PKLR: variants seen among roughly 807,000 people sequenced by gnomAD.
PKLR encodes pyruvate kinase PKLR.
PKLR carries 38 observed loss-of-function variants against 53.6 expected under a neutral mutation model. The ratio of observed to expected loss-of-function variants is 0.71; its 90% CI spans 0.55 to 0.93. The LOEUF (loss-of-function observed/expected upper bound fraction) is 0.93. PKLR is among the 40% of genes least tolerant of loss of function. The probability of loss-of-function intolerance (pLI) is 0.00; values close to 1 mark genes in which losing one functional copy is unlikely to be tolerated. For synonymous variants in PKLR, 328 were observed against 316.2 expected (o/e 1.04, Z -0.39); for missense variants, 702 against 787.3 (o/e 0.89, Z 1.30).
At chr1:155,301,819 CT>C (rs1648013338), upstream of PKLR, among the ~76,000 whole-genome samples, 2 of 152,018 alleles carry the variant, frequency 1.3e-5, no homozygotes, top group Admixed American at 1.3e-4. Flanking sequence ...CTTTTTTTCT[CT>C]GTCTCAACCA....
chr1:155,295,868 G>C lies in PKLR; in HGVS notation c.284-112C>G. The C allele has an allele frequency of 1.2e-6, 1 of 866,346 alleles. No homozygotes were observed. The highest frequency in any genetic ancestry group is 2.6e-5 in the East Asian group (1 of 39,078). 53.7% of individuals were successfully genotyped at this position (866,346 alleles called of 1,614,324 possible). A position where few individuals can be genotyped will look rare whatever the true frequency, so the allele number is the denominator to read the frequency against. On this transcript the variant is annotated intron_variant, in intron 2 of 10. Coordinates refer to ENST00000342741, the MANE Select transcript of PKLR (RefSeq NM_000298.6). This position sits in a 1 kb window ranked among gnomAD's most constrained non-coding sequence, Gnocchi z 4.3. ...TCACGCCACAGGCGTCCTGTTACCT[G>C]ATCTTTATTCCCTGATGCAACCCCT...
the PKLR span, chr1:155,308,621 G>C: frequency 4.1e-6 from 4 of 985,334 alleles, no homozygotes; most frequent in Non-Finnish European, 4.8e-6. Flanking sequence ...CCACAGCGGG[G>C]ACGTTCCCAG....
chr1:155,299,414 C>T (rs750140026), intron 2 of PKLR, among the ~76,000 whole-genome samples: 24 of 150,846 alleles, frequency 1.6e-4, no homozygotes, highest in Non-Finnish European at 3.2e-4. Context: ...GTCTCAAACT[C>T]CTGGGCTCAA....
At position 155,297,385 on chromosome 1, in the gene PKLR, G is replaced by A. The variant is rs112966658; in HGVS notation, c.284-1629C>T. ...CTAATGCATCGTTCCAGTTCCTTAT[G>A]GCAAAAACCTCAGAGTCACCTGTCA... On this transcript the variant is annotated intron_variant, in intron 2 of 10. Coordinates refer to ENST00000342741, the MANE Select transcript of PKLR (RefSeq NM_000298.6). Among the ~76,000 whole-genome samples, 682 of 151,740 alleles carry A rather than the reference G, an allele frequency of 4.5e-3. 4 individuals carry two copies. Among genetic ancestry groups the A allele is most frequent in the South Asian group, 0.013 (64 of 4,812 alleles).
At position 155,299,491 on chromosome 1, in the gene PKLR, C is replaced by CTTTTTTTTTTTTTTTTT. The variant is rs35869567; in HGVS notation, c.283+590_283+606dup. ...GGCATGAGCCACTGAGCCCAGCCCA[C>CTTTTTTTTTTTTTTTTT]TTTTTTTTTTTTTTTTTTTTTTTTT... On this transcript the variant is annotated intron_variant, in intron 2 of 10. Coordinates refer to ENST00000342741, the MANE Select transcript of PKLR (RefSeq NM_000298.6). Among the ~76,000 whole-genome samples the CTTTTTTTTTTTTTTTTT allele has an allele frequency of 2.1e-4, 9 of 42,762 alleles. 1 individual carries two copies. Among genetic ancestry groups the CTTTTTTTTTTTTTTTTT allele is most frequent in the African/African-American group, 8.1e-4 (8 of 9,878 alleles). 28.1% of individuals were successfully genotyped at this position (42,762 alleles called of 152,430 possible).
chr1:155,302,783 C>A (rs937740516), upstream of PKLR, among the ~76,000 whole-genome samples: 1 of 152,034 alleles, frequency 6.6e-6, no homozygotes, highest in African/African-American at 2.4e-5. Context: ...AACGATCCTC[C>A]CACCTCAGCC....
chr1:155,290,201 C>T lies in PKLR; in HGVS notation c.*371G>A. On this transcript the variant is annotated 3_prime_UTR_variant, in exon 11 of 11. Coordinates refer to ENST00000342741, the MANE Select transcript of PKLR (RefSeq NM_000298.6). Reference sequence around the variant, plus strand: ...GACAAGATTGCCCTGTCTCCCCTCTCCCCCACCCCAAGGGATGGGATGCCT... The same window carrying T: ...GACAAGATTGCCCTGTCTCCCCTCTTCCCCACCCCAAGGGATGGGATGCCT... 3.3e-6 allele frequency: 1 copy of T among 300,032 alleles called. No homozygotes were observed. The highest frequency in any genetic ancestry group is 6.5e-6 in the Non-Finnish European group (1 of 154,708). 18.6% of individuals were successfully genotyped at this position (300,032 alleles called of 1,614,324 possible). A position where few individuals can be genotyped will look rare whatever the true frequency, so the allele number is the denominator to read the frequency against.
At chr1:155,305,275 C>T (rs1194957040), upstream of PKLR, among the ~76,000 whole-genome samples, 2 of 152,192 alleles carry the variant, frequency 1.3e-5, no homozygotes, top group East Asian at 3.8e-4. Flanking sequence ...CTACCGAATA[C>T]ACTTGTCTGA....
intron 2 of PKLR, among the ~76,000 whole-genome samples, chr1:155,298,333 CT>C (rs899329311): frequency 7.6e-4 from 102 of 135,092 alleles, no homozygotes; most frequent in East Asian, 8.8e-4. Context: ...CACGCCTGGC[CT>C]TTTTTTTTTT....
Position 155,301,315 on chromosome 1 carries a change from G to T in PKLR, c.81C>A (p.Ile27=). Residue 27 remains isoleucine, a synonymous_variant, in exon 1 of 11, where the codon ATC becomes ATA. Coordinates refer to ENST00000342741, the MANE Select transcript of PKLR (RefSeq NM_000298.6). The stretch of plus-strand genomic sequence containing the variant: ...TCTTACCTCCTGGAGCCCCAATCAG[G>T]ATGGACTTTGCTAAGTCTCTTTGGG... ...SKSQRDLAKS[I]LIGAPGGPAG... is the part of the protein sequence containing the mutation. 3 of 1,614,022 alleles carry T rather than the reference G, an allele frequency of 1.9e-6. No homozygotes were observed. Among genetic ancestry groups the T allele is most frequent in the Non-Finnish European group, 2.5e-6 (3 of 1,179,944 alleles).
chr1:155,290,515 C>T lies in PKLR; in HGVS notation c.*57G>A, dbSNP rs569710209. 2.1e-5 allele frequency: 22 copies of T among 1,037,374 alleles called. No individual in the cohort carries two copies. The highest frequency in any genetic ancestry group is 3.3e-5 in the Non-Finnish European group (22 of 661,580). The allele number at this position is 1,037,374 out of a possible 1,614,324, so 64.3% of individuals were successfully genotyped here. A position where few individuals can be genotyped will look rare whatever the true frequency, so the allele number is the denominator to read the frequency against. ...AGGGGTGTGGGCTGGAGAACGTAGA[C>T]TGGGGAGGAAGGGATGGGGTACAAG... On this transcript the variant is annotated 3_prime_UTR_variant, in exon 11 of 11. Coordinates refer to ENST00000342741, the MANE Select transcript of PKLR (RefSeq NM_000298.6).
chr1:155,298,108 C>A (rs776892355), intron 2 of PKLR, among the ~76,000 whole-genome samples: 5 of 151,976 alleles, frequency 3.3e-5, no homozygotes, highest in Admixed American at 6.6e-5. Context: ...GACAGAGGTG[C>A]GATCTCTGCT....
rs1458938826 is a variant in PKLR, at chr1:155,299,022, CTTTCTTTCTTTCT to C, written c.283+1063_283+1075del. On this transcript the variant is annotated intron_variant, in intron 2 of 10. Transcript: ENST00000342741. ...TCTTTCTTTCTTTCTTTCTTTCTTTCTTTCTTTCTTTCTCTTTCTTTCTTTCTTTCCTTCCTTC... is the reference window on the plus strand; with the variant it reads ...TCTTTCTTTCTTTCTTTCTTTCTTTCCTTTCTTTCTTTCTTTCCTTCCTTC... 3.4e-3 allele frequency among the ~76,000 whole-genome samples: 328 copies of C among 97,058 alleles called. 7 individuals carry two copies. Among genetic ancestry groups the C allele is most frequent in the Non-Finnish European group, 5.6e-3 (279 of 50,126 alleles). The allele number at this position is 97,058 out of a possible 152,430, so 63.7% of individuals were successfully genotyped here. A position where few individuals can be genotyped will look rare whatever the true frequency, so the allele number is the denominator to read the frequency against.
Position 155,294,379 on chromosome 1 carries a change from A to C in PKLR, c.972T>G (p.Asp324Glu), listed in dbSNP as rs8177974. ...TGCCGTCGCTCACCTCCAGGATTTC[A>C]TCAAACCTGAGAGGTTGGGAGAATC... ...IENHEGVKRFDEILEVSDGIM... is the reference protein window; with the variant it reads ...IENHEGVKRFEEILEVSDGIM... The change falls in exon 7 of 11, where the codon GAT becomes GAG. Residue 324 changes from aspartate to glutamate, a missense_variant. Transcript: ENST00000342741. The C allele has an allele frequency of 1.9e-6, 3 of 1,614,054 alleles. No individual in the cohort carries two copies. The African/African-American group carries it at 4.0e-5, about 22-fold the overall frequency.
At chr1:155,306,723 T>C in the PKLR span, among the ~76,000 whole-genome samples, 3 of 152,134 alleles carry the variant, frequency 2.0e-5, no homozygotes, top group African/African-American at 7.2e-5. The surrounding 1 kb of genome is among the most constrained non-coding windows in gnomAD (Gnocchi z 4.2). Flanking sequence ...GTATCCGGAA[T>C]TGGTGGGTTC....
chr1:155,295,271 C>A lies in PKLR; in HGVS notation c.539G>T (p.Gly180Val), dbSNP rs1362487132. Residue 180 changes from glycine (G) to valine (V), a missense_variant, in exon 5 of 11, where the codon GGC becomes GTC. By Grantham distance (109) the Gly-to-Val change is moderately radical (BLOSUM62 -3). Transcript: ENST00000342741. The surrounding 1 kb of genome is among the most constrained non-coding windows in gnomAD (Gnocchi z 4.3). ...GTCCACAGTCACCAGCACCTGGGAG[C>A]CCTTCACCAGCTCCACTTCCGACTC... is the stretch of plus-strand genomic sequence containing the variant. ...GPESEVELVK[G>V]SQVLVTVDPA... The A allele has an allele frequency of 6.2e-7, 1 of 1,614,110 alleles. No homozygotes were observed.
Position 155,295,301 on chromosome 1 carries a change from C to A in PKLR, c.509G>T (p.Gly170Val). ...CACCAGCTCCACTTCCGACTCTGGA[C>A]CCTAAGGAGGGAGCCAGAGGAGATG... ...PEIRTGILQG[G>V]PESEVELVKG... Residue 170 changes from glycine (G) to valine (V), a missense_variant and splice_region_variant, in exon 5 of 11, where the codon GGT (glycine) becomes GTT (valine). Gly to Val is a moderately radical substitution (Grantham distance 109). This residue lies in a region of PKLR where 519 missense variants were observed against 537.1 expected (regional missense o/e 0.97). Transcript: ENST00000342741. The surrounding 1 kb of genome is among the most constrained non-coding windows in gnomAD (Gnocchi z 4.3). The A allele has an allele frequency of 6.2e-7, 1 of 1,613,932 alleles. No individual in the cohort carries two copies. Among genetic ancestry groups the A allele is most frequent in the Non-Finnish European group, 8.5e-7 (1 of 1,179,926 alleles).
chr1:155,301,064 CG>C, intron 1 of PKLR: 1 of 1,529,488 alleles, frequency 6.5e-7, no homozygotes, highest in Non-Finnish European at 8.8e-7. Flanking sequence ...CCAGGAACCA[CG>C]GGAGTGCCCC....
At position 155,294,238 on chromosome 1, in the gene PKLR, T is replaced by G; in HGVS notation, c.1113A>C (p.Thr371=). The G allele has an allele frequency of 6.2e-7, 1 of 1,614,198 alleles. No individual in the cohort carries two copies. Among genetic ancestry groups the G allele is most frequent in the Non-Finnish European group, 8.5e-7 (1 of 1,180,028 alleles). ...NLAGKPVVCA[T]QMLESMITKP... The stretch of plus-strand genomic sequence containing the variant: ...ACCTCAAGGCCTCACTCCAGACCTG[T>G]GTGGCACAGACAACAGGCTTGCCCG... Residue 371 remains threonine (T), a synonymous_variant, in exon 7 of 11, where the codon ACA becomes ACC. Transcript: ENST00000342741.
Sources: gnomAD v4.1 joint callset for allele counts (sites outside exome capture counted in the v4.1 genomes callset) on GRCh38, gnomAD v4.1.1 for gene constraint, gnomAD v4.1.1 regional missense constraint, Gnocchi (gnomAD v3.1) non-coding constraint, MANE v1.5 for transcripts, NCBI Gene and HGNC (gene_info 2026-07-23, HGNC 2026-07-21) for gene names.